Variants in LRRK1 observed in about 807,000 individuals in gnomAD.
LRRK1 encodes the protein leucine-rich repeat serine/threonine-protein kinase 1.
A neutral mutation model predicts 209.1 loss-of-function variants in LRRK1; 113 were observed. The ratio of observed to expected loss-of-function variants is 0.54; its 90% CI spans 0.46 to 0.63. The LOEUF (loss-of-function observed/expected upper bound fraction) is 0.63, where lower values mean the gene tolerates loss of function less well. LRRK1 is among the 30% of genes least tolerant of loss of function. The pLI is 0.00. For missense variants in LRRK1, 2,284 were observed against 2,632.2 expected (o/e 0.87, Z 2.89); for synonymous variants, 1,144 against 1,099.7 (o/e 1.04, Z -0.80).
At chr15:100,955,062 A>G (rs1181867353) in intron 2 of LRRK1, among the ~76,000 whole-genome samples, 1 of 152,204 alleles carries the variant, frequency 6.6e-6, no homozygotes, top group African/African-American at 2.4e-5. Flanking sequence ...GAATTTTGAC[A>G]GGAATTGCAT....
At chr15:100,950,019 G>A (rs2042615015) in intron 2 of LRRK1, among the ~76,000 whole-genome samples, 1 of 152,088 alleles carries the variant, frequency 6.6e-6, no homozygotes, top group African/African-American at 2.4e-5. Flanking sequence ...TTCTTGCCAG[G>A]GCAAAGACAA....
chr15:101,006,203 T>C (rs775360641), intron 6 of LRRK1, among the ~76,000 whole-genome samples: 35 of 152,170 alleles, frequency 2.3e-4, no homozygotes, highest in Admixed American at 6.5e-5. Context: ...ACCACTCAAC[T>C]AGACTCTAAG....
At chr15:100,990,378 G>C (rs1016411466) in intron 6 of LRRK1, among the ~76,000 whole-genome samples, 2 of 151,728 alleles carry the variant, frequency 1.3e-5, no homozygotes, top group African/African-American at 4.8e-5. Flanking sequence ...GATTTGCTAT[G>C]GTATGTTTGC....
intron 31 of LRRK1, among the ~76,000 whole-genome samples, chr15:101,064,059 G>A (rs774194440): frequency 3.3e-5 from 5 of 152,234 alleles, no homozygotes; most frequent in Admixed American, 6.5e-5. Flanking sequence ...GGCCGCCAGC[G>A]CGAAGCCTGC....
chr15:101,012,900 C>CGGG lies in LRRK1; in HGVS notation c.1419+762_1419+764dup, dbSNP rs57376372. ...AGAAAGGAGCCACGCGGGGTGCCCC[C>CGGG]GGGGGGGGGTGGTCCCACATCATAC... On this transcript the variant is annotated intron_variant, in intron 10 of 33. Transcript: ENST00000388948. 3.0e-3 allele frequency among the ~76,000 whole-genome samples: 455 copies of CGGG among 149,820 alleles called. 15 individuals carry two copies. The East Asian group carries it at 0.066, about 22-fold the overall frequency.
chr15:100,984,308 T>C (rs574969184), intron 4 of LRRK1, among the ~76,000 whole-genome samples: 14 of 152,344 alleles, frequency 9.2e-5, no homozygotes, highest in Non-Finnish European at 1.3e-4. Context: ...CAACTAATAT[T>C]GATACCTTCT....
chr15:100,925,101 G>A (rs989000844), intron 2 of LRRK1, among the ~76,000 whole-genome samples: 1 of 151,960 alleles, frequency 6.6e-6, no homozygotes, highest in Non-Finnish European at 1.5e-5. Flanking sequence ...CCAGAATCCC[G>A]CTATCTCAAA....
At chr15:101,015,149 G>A (rs1483227445) in intron 11 of LRRK1, among the ~76,000 whole-genome samples, 177 bp from the exon 12 acceptor site, 1 of 152,220 alleles carries the variant, frequency 6.6e-6, no homozygotes, top group African/African-American at 2.4e-5. Context: ...ACCTCTGCGG[G>A]GAGGGGTGGG....
chr15:101,020,500 C>T (rs925910091), intron 12 of LRRK1, among the ~76,000 whole-genome samples: 3 of 151,804 alleles, frequency 2.0e-5, no homozygotes, highest in Non-Finnish European at 1.5e-5. Context: ...TCAGCCCCCC[C>T]GAGTAGCTGG....
intron 20 of LRRK1, among the ~76,000 whole-genome samples, chr15:101,031,579 C>G (rs1193972153): frequency 6.6e-6 from 1 of 152,122 alleles, no homozygotes; most frequent in East Asian, 1.9e-4. Context: ...AGTCTTAAGT[C>G]TTTTTGGAGA....
At chr15:101,026,244 C>G in intron 17 of LRRK1, 107 bp downstream of exon 17, 1 of 1,162,316 alleles carries the variant, frequency 8.6e-7, no homozygotes, top group Non-Finnish European at 1.2e-6. Context: ...GGGCTAGGCC[C>G]CTTTCCTGGC....
At chr15:100,970,110 G>A (rs113050523) in intron 2 of LRRK1, among the ~76,000 whole-genome samples, 9 of 152,062 alleles carry the variant, frequency 5.9e-5, no homozygotes, top group Admixed American at 2.0e-4. Context: ...GGCTGGTCTC[G>A]TACTCCTGGC....
At chr15:101,020,820 A>T (rs2141707902) in intron 12 of LRRK1, among the ~76,000 whole-genome samples, 1 of 152,260 alleles carries the variant, frequency 6.6e-6, no homozygotes, top group East Asian at 1.9e-4. Context: ...GTTGTTGTAG[A>T]TTGTCCTCTA....
chr15:101,009,363 C>T (rs1462987993), intron 7 of LRRK1, among the ~76,000 whole-genome samples: 1 of 152,208 alleles, frequency 6.6e-6, no homozygotes, highest in Non-Finnish European at 1.5e-5. Flanking sequence ...CCTTCCCACA[C>T]TGGTGGATGC....
chr15:101,027,987 C>G lies in LRRK1; in HGVS notation c.2686+190C>G, dbSNP rs1379716087. On this transcript the variant is annotated intron_variant, in intron 19 of 33. Transcript: ENST00000388948. The surrounding 1 kb of genome is among the most constrained non-coding windows in gnomAD (Gnocchi z 5.1). ...TGGAGGGAGAGAACACAAACAGCTA[C>G]TCTACACCAGCATTGTGTTTGCCAC... 6.6e-6 allele frequency among the ~76,000 whole-genome samples: 1 copy of G among 152,178 alleles called. No homozygotes were observed. The highest frequency in any genetic ancestry group is 1.5e-5 in the Non-Finnish European group (1 of 68,026).
At chr15:100,983,800 A>G (rs757152968) in intron 4 of LRRK1, 101 bp downstream of exon 4, 1 of 1,206,516 alleles carries the variant, frequency 8.3e-7, no homozygotes, top group South Asian at 1.2e-5. Flanking sequence ...CAATAATGAG[A>G]TCAAGAAATA....
At position 101,062,630 on chromosome 15, in the gene LRRK1, A is replaced by G. The variant is rs750413597; in HGVS notation, c.4854A>G (p.Gln1618=). ...LKGMCPLNTP[Q]QALDTPAVVT... is the part of the protein sequence containing the mutation. ...GCATGTGCCCCTTAAACACACCCCA[A>G]CAGGCCTTGGATACTCCAGCTGTCG... Residue 1618 remains glutamine, a synonymous_variant, in exon 31 of 34, where the codon CAA becomes CAG. Coordinates refer to ENST00000388948, the MANE Select transcript of LRRK1 (RefSeq NM_024652.6). 2.5e-6 allele frequency: 4 copies of G among 1,614,046 alleles called. No individual in the cohort carries two copies. The highest frequency in any genetic ancestry group is 2.7e-5 in the African/African-American group (2 of 74,930).
Position 100,985,137 on chromosome 15 carries a change from C to T in LRRK1, c.433+1438C>T, listed in dbSNP as rs192810210. ...GCGTTGGTTCCAAGCTAGTGTTCCC[C>T]TCATGTGTCTGAACAGAATGAGGTT... On this transcript the variant is annotated intron_variant, in intron 4 of 33. Coordinates refer to ENST00000388948, the MANE Select transcript of LRRK1 (RefSeq NM_024652.6). Among the ~76,000 whole-genome samples, 154 of 34,420 alleles carry T rather than the reference C, an allele frequency of 4.5e-3. 1 individual carries two copies. The highest frequency in any genetic ancestry group is 8.8e-3 in the African/African-American group (147 of 16,666). The allele number at this position is 34,420 out of a possible 152,430, so 22.6% of individuals were successfully genotyped here. A position where few individuals can be genotyped will look rare whatever the true frequency, so the allele number is the denominator to read the frequency against.
rs2033924427 is a variant in LRRK1 at position 101,024,304 on chromosome 15, C to T, written c.2068-499C>T. Reference sequence around the variant, plus strand: ...GCAATGATAGAGAAACCACCGTTTACACAGCCGTTCCCGGCAGCCCAACAG... The same window carrying T: ...GCAATGATAGAGAAACCACCGTTTATACAGCCGTTCCCGGCAGCCCAACAG... On this transcript the variant is annotated intron_variant, in intron 15 of 33. Transcript: ENST00000388948. This position sits in a 1 kb window ranked among gnomAD's most constrained non-coding sequence, Gnocchi z 4.6. Among the ~76,000 whole-genome samples, 3 of 152,252 alleles carry T rather than the reference C, an allele frequency of 2.0e-5. No individual in the cohort carries two copies. The highest frequency in any genetic ancestry group is 7.2e-5 in the African/African-American group (3 of 41,470).
Sources: allele counts gnomAD v4.1 joint callset (sites outside exome capture counted in the v4.1 genomes callset), GRCh38; gene constraint gnomAD v4.1.1; non-coding constraint Gnocchi (gnomAD v3.1); transcripts MANE v1.5; gene names NCBI Gene and HGNC (gene_info 2026-07-23, HGNC 2026-07-21).